ARMC9: variants seen among roughly 807,000 people sequenced by gnomAD.
The protein encoded by ARMC9 is armadillo repeat containing 9, also known as lisH domain-containing protein ARMC9.
A neutral mutation model predicts 107.0 loss-of-function variants in ARMC9; 94 were observed. The observed-to-expected ratio is 0.88, with a 90% CI of 0.74 to 1.04. ARMC9 has a LOEUF of 1.04. ARMC9 is among the 50% of genes least tolerant of loss of function. The pLI is 0.00. For synonymous variants in ARMC9, 380 were observed against 396.9 expected (o/e 0.96, Z 0.51); for missense variants, 942 against 1,030.1 (o/e 0.91, Z 1.17).
chr2:231,228,032 G>A (rs762400972), intron 7 of ARMC9, among the ~76,000 whole-genome samples: 1 of 152,214 alleles, frequency 6.6e-6, no homozygotes, highest in Non-Finnish European at 1.5e-5. Flanking sequence ...AGTACAGTAT[G>A]TGGAGGAAGA....
chr2:231,208,328 T>G (rs577941788), intron 3 of ARMC9, 76 bp downstream of exon 3: 1 of 1,200,644 alleles, frequency 8.3e-7, no homozygotes, highest in South Asian at 1.3e-5. Flanking sequence ...TGCTGTTGGA[T>G]AGTGCTAGAA....
chr2:231,252,755 GC>G (rs1468021010), intron 9 of ARMC9, among the ~76,000 whole-genome samples: 1 of 151,642 alleles, frequency 6.6e-6, no homozygotes, highest in African/African-American at 2.4e-5. Context: ...TCCCACCTCA[GC>G]CTCTTGAGTA....
At chr2:231,288,555 T>C (rs1318420958) in intron 17 of ARMC9, 1 of 465,604 alleles carries the variant, frequency 2.1e-6, no homozygotes, top group Non-Finnish European at 4.5e-6. Flanking sequence ...AGTTCAGTTG[T>C]TGAGTAAAAG....
Position 231,357,208 on chromosome 2 carries a change from G to A in ARMC9, c.2131+1274G>A, listed in dbSNP as rs1259168795. Among the ~76,000 whole-genome samples, 28 of 152,158 alleles carry A rather than the reference G, an allele frequency of 1.8e-4. 1 individual carries two copies. Among genetic ancestry groups the A allele is most frequent in the Non-Finnish European group, 4.1e-4 (28 of 68,034 alleles). The stretch of plus-strand genomic sequence containing the variant: ...ACATTCCGGGTTCTTGCATGAACAG[G>A]GTGGGCACCCACCAGGACACTCAGC... On this transcript the variant is annotated intron_variant, in intron 22 of 24. Transcript: ENST00000611582.
In ARMC9 at chr2:231,239,588, TC is replaced by T. The variant is rs548195940; in HGVS notation, c.781-350del. Among the ~76,000 whole-genome samples the T allele has an allele frequency of 6.1e-4, 93 of 152,308 alleles. No homozygotes were observed. The South Asian group carries it at 6.2e-3, about 10-fold the overall frequency. On this transcript the variant is annotated intron_variant, in intron 8 of 24. Coordinates refer to ENST00000611582, the MANE Select transcript of ARMC9 (RefSeq NM_001352754.2). Reference sequence around the variant, plus strand: ...TTCAGTTCTGAAGCTTGGCTCTCTTTCCCCCACATTATGGTTGTCCAGTGAC... The same window carrying T: ...TTCAGTTCTGAAGCTTGGCTCTCTTTCCCCACATTATGGTTGTCCAGTGAC...
chr2:231,313,734 T>C (rs1012806858), intron 19 of ARMC9, among the ~76,000 whole-genome samples: 9 of 151,902 alleles, frequency 5.9e-5, no homozygotes, highest in Admixed American at 5.9e-4. Context: ...ATCGTATGCA[T>C]GTGGCTAGTG....
At chr2:231,277,529 C>T (rs2039863423) in intron 15 of ARMC9, among the ~76,000 whole-genome samples, 1 of 127,416 alleles carries the variant, frequency 7.8e-6, no homozygotes, top group African/African-American at 3.8e-5. Flanking sequence ...TTATTTCAGT[C>T]ATTTAAAAAA....
intron 6 of ARMC9, 57 bp downstream of exon 6, chr2:231,222,877 A>G (rs1256550549): frequency 8.6e-7 from 1 of 1,156,232 alleles, no homozygotes; most frequent in Non-Finnish European, 1.3e-6. Context: ...TTTTATTTAG[A>G]GTTGCACGCT....
chr2:231,262,074 G>A (rs766515386), intron 11 of ARMC9, among the ~76,000 whole-genome samples: 2 of 151,976 alleles, frequency 1.3e-5, no homozygotes, highest in African/African-American at 4.8e-5. Flanking sequence ...CACCTGCCTC[G>A]GCCTCCCAAA....
At chr2:231,276,213 T>G (rs1194368247) in intron 14 of ARMC9, among the ~76,000 whole-genome samples, 2 of 152,184 alleles carry the variant, frequency 1.3e-5, no homozygotes, top group Non-Finnish European at 2.9e-5. Flanking sequence ...AAAATATTCC[T>G]CAGAGTCTAT....
chr2:231,234,313 T>C (rs2035513839), intron 7 of ARMC9, among the ~76,000 whole-genome samples: 1 of 152,186 alleles, frequency 6.6e-6, no homozygotes, highest in Non-Finnish European at 1.5e-5. Flanking sequence ...TCTTTAGGGC[T>C]GCCCACGGGG....
chr2:231,265,543 A>T (rs1438561377), intron 12 of ARMC9, among the ~76,000 whole-genome samples: 1 of 152,214 alleles, frequency 6.6e-6, no homozygotes, highest in African/African-American at 2.4e-5. Context: ...GAGCTAAGAT[A>T]TGAGGATGCA....
chr2:231,228,588 C>T (rs1170811271), intron 7 of ARMC9, among the ~76,000 whole-genome samples: 2 of 152,216 alleles, frequency 1.3e-5, no homozygotes, highest in African/African-American at 2.4e-5. Context: ...TGAAGTCAGT[C>T]AGTCATTTCT....
intron 4 of ARMC9, 128 bp from the exon 5 acceptor site, chr2:231,216,510 C>T (rs1574622925): frequency 9.6e-7 from 1 of 1,044,304 alleles, no homozygotes; most frequent in African/African-American, 1.6e-5. Flanking sequence ...GACAATGCAC[C>T]TGCCAGGTTA....
chr2:231,227,384 G>C (rs987588607), intron 7 of ARMC9, among the ~76,000 whole-genome samples: 3 of 152,224 alleles, frequency 2.0e-5, no homozygotes, highest in African/African-American at 7.2e-5. Context: ...CTGTACCTCA[G>C]TTTTGCCTTT....
At chr2:231,250,526 G>A (rs2037200687) in intron 9 of ARMC9, among the ~76,000 whole-genome samples, 1 of 152,172 alleles carries the variant, frequency 6.6e-6, no homozygotes, top group Admixed American at 6.5e-5. Context: ...GAGAACGCAG[G>A]GGATGCTGAG....
chr2:231,218,075 C>T (rs2033720320), intron 5 of ARMC9, among the ~76,000 whole-genome samples: 3 of 152,188 alleles, frequency 2.0e-5, no homozygotes, highest in Non-Finnish European at 4.4e-5. Flanking sequence ...CTTCCAAATC[C>T]CAGTACATTT....
chr2:231,281,237 G>T (rs2040196197), intron 16 of ARMC9, among the ~76,000 whole-genome samples: 1 of 151,670 alleles, frequency 6.6e-6, no homozygotes, highest in African/African-American at 2.4e-5. Context: ...AGTGGGGCGG[G>T]GGTGGGTTCA....
chr2:231,333,598 T>C (rs1243622139), intron 20 of ARMC9, among the ~76,000 whole-genome samples: 1 of 152,250 alleles, frequency 6.6e-6, no homozygotes, highest in Non-Finnish European at 1.5e-5. Flanking sequence ...ACTAGGCCTC[T>C]GTCGCCCTTT....
Sources: allele counts gnomAD v4.1 joint callset (sites outside exome capture counted in the v4.1 genomes callset), GRCh38; gene constraint gnomAD v4.1.1; transcripts MANE v1.5; gene names NCBI Gene and HGNC (gene_info 2026-07-23, HGNC 2026-07-21).